OTOGL: variants seen among roughly 807,000 people sequenced by gnomAD.
OTOGL encodes otogelin-like protein.
OTOGL carries 285 observed loss-of-function variants against 318.5 expected under a neutral mutation model. The observed-to-expected ratio is 0.89, with a 90% confidence interval of 0.81 to 0.99. The LOEUF is 0.99. Ranked by LOEUF, OTOGL falls within the 50% of genes least tolerant of loss-of-function variation. The pLI is 0.00. For missense variants in OTOGL, 2,899 were observed against 2,845.6 expected (o/e 1.02, Z -0.43); for synonymous variants, 987 against 936.5 (o/e 1.05, Z -0.99).
At chr12:80,293,000 A>T (rs1291646975) in intron 26 of OTOGL, among the ~76,000 whole-genome samples, 4 of 152,216 alleles carry the variant, frequency 2.6e-5, no homozygotes, top group Non-Finnish European at 5.9e-5. Flanking sequence ...CAAATATCAA[A>T]GGCTTAAAAC....
intron 52 of OTOGL, among the ~76,000 whole-genome samples, chr12:80,360,638 C>T (rs915422287): frequency 4.0e-5 from 6 of 151,786 alleles, no homozygotes; most frequent in African/African-American, 1.2e-4. Context: ...TGTGCCACCA[C>T]GCCCAGCTAA....
In OTOGL at chr12:80,278,409, G is replaced by A. The variant is rs1353778853; in HGVS notation, c.2789+134G>A. On this transcript the variant is annotated intron_variant, in intron 25 of 58. Coordinates refer to ENST00000547103, the MANE Select transcript of OTOGL (RefSeq NM_001378609.3). ...TCAGCAAATAATTTAAAGGCCTGCA[G>A]GAGTTGGTGGACAGTTACTATCTGC... 4 of 668,516 alleles carry A rather than the reference G, an allele frequency of 6.0e-6. No individual in the cohort carries two copies. In the African/African-American group the frequency reaches 7.3e-5, roughly 12 times the overall value. The allele number at this position is 668,516 out of a possible 1,614,324, so 41.4% of individuals were successfully genotyped here. A position where few individuals can be genotyped will look rare whatever the true frequency, so the allele number is the denominator to read the frequency against.
intron 1 of OTOGL, among the ~76,000 whole-genome samples, chr12:80,123,058 A>G (rs1299407043): frequency 1.1e-4 from 16 of 150,766 alleles, no homozygotes; most frequent in Non-Finnish European, 2.1e-4. Flanking sequence ...TTATACTTTA[A>G]GTTTTAGGGT....
At chr12:80,291,610 C>A (rs1278968927) in intron 26 of OTOGL, among the ~76,000 whole-genome samples, 1 of 152,154 alleles carries the variant, frequency 6.6e-6, no homozygotes, top group Non-Finnish European at 1.5e-5. Context: ...AAAGGAATTG[C>A]ATAAACAAGG....
At chr12:80,206,686 A>ATTTC (rs1876834765) in intron 1 of OTOGL, among the ~76,000 whole-genome samples, 4 of 134,894 alleles carry the variant, frequency 3.0e-5, no homozygotes, top group Admixed American at 2.2e-4. Context: ...ATTGTTTTGT[A>ATTTC]TTTTTTTTTT....
intron 11 of OTOGL, among the ~76,000 whole-genome samples, chr12:80,242,663 C>T (rs187960247): frequency 1.2e-3 from 185 of 152,180 alleles, no homozygotes; most frequent in African/African-American, 4.3e-3. Flanking sequence ...ATTCAACACA[C>T]ATCTTTTGAG....
intron 1 of OTOGL, chr12:80,133,591 C>T (rs1305957914): frequency 6.6e-6 from 1 of 151,972 alleles, no homozygotes; most frequent in East Asian, 1.9e-4. Context: ...CAACCTACAG[C>T]TTAGAGCTAA....
chr12:80,153,964 G>C (rs920698156), intron 1 of OTOGL, among the ~76,000 whole-genome samples: 2 of 152,178 alleles, frequency 1.3e-5, no homozygotes, highest in African/African-American at 2.4e-5. Flanking sequence ...GACAAAGTCA[G>C]TTAGGTCTCA....
At chr12:80,336,375 A>G (rs745666073) in intron 39 of OTOGL, 38 bp from the exon 40 acceptor site, 94 of 1,531,352 alleles carry the variant, frequency 6.1e-5, no homozygotes, top group Non-Finnish European at 8.1e-5. Flanking sequence ...AAATGCAGAT[A>G]GTTAATAGAC....
In OTOGL at chr12:80,313,564, TA is replaced by T; in HGVS notation, c.3540del (p.Ile1180MetfsTer55). On this transcript the variant is annotated frameshift_variant, in exon 31 of 59. Coordinates refer to ENST00000547103, the MANE Select transcript of OTOGL (RefSeq NM_001378609.3). LOFTEE classifies it high-confidence loss of function. ...GGDCECLCTSIAAYAYKCCQE... is the reference protein window; with the variant it reads ...GGDCECLCTSXAAYAYKCCQE... Reference sequence around the variant, plus strand: ...GACTGTGAGTGTTTGTGCACTAGTATAGCTGCATATGCATACAAGTGTTGTC... The same window carrying T: ...GACTGTGAGTGTTTGTGCACTAGTATGCTGCATATGCATACAAGTGTTGTC... 6.2e-7 allele frequency: 1 copy of T among 1,612,506 alleles called. No individual in the cohort carries two copies. Among genetic ancestry groups the T allele is most frequent in the Non-Finnish European group, 8.5e-7 (1 of 1,178,654 alleles).
chr12:80,336,724 A>T, intron 40 of OTOGL, 73 bp from the exon 41 acceptor site: 1 of 1,424,844 alleles, frequency 7.0e-7, no homozygotes, highest in South Asian at 1.3e-5. Flanking sequence ...ATCTATTTAG[A>T]GGCATATAAA....
intron 52 of OTOGL, among the ~76,000 whole-genome samples, chr12:80,360,674 G>T (rs1282980220): frequency 6.6e-6 from 1 of 151,800 alleles, no homozygotes; most frequent in Non-Finnish European, 1.5e-5. Context: ...TAGAGACGGG[G>T]TTTCACCATG....
chr12:80,205,321 G>A (rs770040809), intron 1 of OTOGL, among the ~76,000 whole-genome samples: 12 of 152,094 alleles, frequency 7.9e-5, no homozygotes, highest in African/African-American at 1.9e-4. Context: ...TTCTTTCAAG[G>A]TATCAATTAG....
intron 56 of OTOGL, among the ~76,000 whole-genome samples, chr12:80,371,403 G>A (rs771272438): frequency 4.6e-5 from 7 of 151,720 alleles, no homozygotes; most frequent in Non-Finnish European, 1.0e-4. Context: ...GATATAACAC[G>A]TACTAAAGTC....
In OTOGL at chr12:80,358,108, A is replaced by C. The variant is rs1035524400; in HGVS notation, c.6020-140A>C. ...AGACAGTATTATTGTTTTTATGGCC[A>C]AATAAGGAAATATACCTCATGTTTC... On this transcript the variant is annotated intron_variant, in intron 49 of 58. Coordinates refer to ENST00000547103, the MANE Select transcript of OTOGL (RefSeq NM_001378609.3). The C allele has an allele frequency of 4.6e-6, 3 of 646,750 alleles. No homozygotes were observed. The Admixed American group carries it at 8.1e-5, about 18-fold the overall frequency. 40.1% of individuals were successfully genotyped at this position (646,750 alleles called of 1,614,324 possible). A position where few individuals can be genotyped will look rare whatever the true frequency, so the allele number is the denominator to read the frequency against.
chr12:80,271,558 A>G (rs1883407665), intron 23 of OTOGL, 90 bp from the exon 24 acceptor site: 1 of 1,271,518 alleles, frequency 7.9e-7, no homozygotes, highest in Admixed American at 2.6e-5. Context: ...AAATAGGTTT[A>G]GAATAAACCT....
At chr12:80,156,805 T>G (rs1565882103) in intron 1 of OTOGL, among the ~76,000 whole-genome samples, 1 of 152,104 alleles carries the variant, frequency 6.6e-6, no homozygotes, top group Non-Finnish European at 1.5e-5. Context: ...TGCCCAGTCT[T>G]GGGTATGTCT....
chr12:80,261,826 T>A, intron 18 of OTOGL, 143 bp from the exon 19 acceptor site: 1 of 1,001,908 alleles, frequency 1.0e-6, no homozygotes, highest in Non-Finnish European at 1.3e-6. Flanking sequence ...ATCGTTGTAC[T>A]TTTTTTTAAA....
chr12:80,229,124 C>A, intron 7 of OTOGL, 133 bp from the exon 8 acceptor site: 1 of 1,050,066 alleles, frequency 9.5e-7, no homozygotes, highest in Non-Finnish European at 1.3e-6. Context: ...CTCAGAAATC[C>A]CAAATGTAGT....
Sources: allele counts gnomAD v4.1 joint callset (sites outside exome capture counted in the v4.1 genomes callset), GRCh38; gene constraint gnomAD v4.1.1; transcripts MANE v1.5; gene names NCBI Gene and HGNC (gene_info 2026-07-23, HGNC 2026-07-21).